The following TRANK1 variants were observed in gnomAD, a reference collection of about 807,000 sequenced individuals.
TRANK1 encodes TPR and ankyrin repeat-containing protein 1.
A neutral mutation model predicts 266.0 loss-of-function variants in TRANK1; 198 were observed. That is an observed-to-expected ratio of 0.74 (90% CI 0.66 to 0.84). The LOEUF is 0.84. TRANK1 is among the 40% of genes least tolerant of loss of function. The pLI is 0.00. For missense variants in TRANK1, 3,326 were observed against 3,634.6 expected (o/e 0.92, Z 2.18); for synonymous variants, 1,396 against 1,384.1 (o/e 1.01, Z -0.19).
At chr3:36,932,401 T>C (rs1285406357) in intron 1 of TRANK1, among the ~76,000 whole-genome samples, 2 of 152,032 alleles carry the variant, frequency 1.3e-5, no homozygotes, top group African/African-American at 4.8e-5. Flanking sequence ...TGAAACCCCG[T>C]CTCTACTAAA....
intron 3 of TRANK1, among the ~76,000 whole-genome samples, chr3:36,899,972 A>T (rs1187063246): frequency 6.6e-6 from 1 of 152,156 alleles, no homozygotes; most frequent in Non-Finnish European, 1.5e-5. Flanking sequence ...CTAACCTCTC[A>T]TCATAGCCTC....
At chr3:36,915,622 C>T (rs1430354533) in intron 1 of TRANK1, among the ~76,000 whole-genome samples, 1 of 152,128 alleles carries the variant, frequency 6.6e-6, no homozygotes, top group African/African-American at 2.4e-5. Context: ...GGCCACTATC[C>T]CCACCTTCCA....
At chr3:36,922,363 T>C (rs1039985782) in intron 1 of TRANK1, among the ~76,000 whole-genome samples, 31 of 152,234 alleles carry the variant, frequency 2.0e-4, no homozygotes, top group Admixed American at 1.8e-3. Flanking sequence ...CCCAGCACTT[T>C]GGGAGGCCGA....
In TRANK1 at chr3:36,915,955, G is replaced by C. The variant is rs183019115; in HGVS notation, c.24-7501C>G. Among the ~76,000 whole-genome samples, 30 of 152,302 alleles carry C rather than the reference G, an allele frequency of 2.0e-4. 1 individual carries two copies. The South Asian group carries it at 5.4e-3, about 27-fold the overall frequency. On this transcript the variant is annotated intron_variant, in intron 1 of 23. Coordinates refer to ENST00000645898, the MANE Select transcript of TRANK1 (RefSeq NM_001329998.2). ...TGCAAAAGTGAAGCTGAAAGAGTAG[G>C]TAATTGCTGCAGTAAGTAGATGATG...
At chr3:36,867,498 G>C (rs2079243407) in intron 9 of TRANK1, among the ~76,000 whole-genome samples, 1 of 152,208 alleles carries the variant, frequency 6.6e-6, no homozygotes, top group Non-Finnish European at 1.5e-5. Flanking sequence ...GATACAGATG[G>C]AAAGTTGCTA....
intron 2 of TRANK1, among the ~76,000 whole-genome samples, chr3:36,908,045 G>A (rs1035608339): frequency 1.3e-5 from 2 of 152,206 alleles, no homozygotes; most frequent in African/African-American, 4.8e-5. Flanking sequence ...GAAGAGGTTT[G>A]TTCGAAGACT....
chr3:36,941,727 G>A (rs1001893626), intron 1 of TRANK1, among the ~76,000 whole-genome samples: 4 of 152,178 alleles, frequency 2.6e-5, no homozygotes, highest in Non-Finnish European at 5.9e-5. Flanking sequence ...TAACCAGCCC[G>A]ACTATCAGTC....
chr3:36,857,331 G>C lies in TRANK1; in HGVS notation c.2391C>G (p.Ala797=). Residue 797 remains alanine, a synonymous_variant, in exon 13 of 24, where the codon GCC becomes GCG. Transcript: ENST00000645898. The surrounding 1 kb of genome is among the most constrained non-coding windows in gnomAD (Gnocchi z 4.3). ...TGTTATCATCAGGCACAAGCTGCAA[G>C]GCCCCAAGGCCCACCTGAGCATGTC... ...GEGHAQVGLG[A]LQLVPDDNRG... 1 of 1,607,422 alleles carries C rather than the reference G, an allele frequency of 6.2e-7. No individual in the cohort carries two copies. Among genetic ancestry groups the C allele is most frequent in the Non-Finnish European group, 8.5e-7 (1 of 1,176,998 alleles).
intron 12 of TRANK1, 72 bp downstream of exon 12, chr3:36,858,646 G>T (rs2079091919): frequency 7.1e-6 from 10 of 1,402,104 alleles, no homozygotes; most frequent in Non-Finnish European, 9.3e-6. Context: ...GGAAAGACCA[G>T]AAAACATAGC....
At chr3:36,837,833 T>A (rs2078790599) in intron 20 of TRANK1, among the ~76,000 whole-genome samples, 1 of 152,252 alleles carries the variant, frequency 6.6e-6, no homozygotes, top group Non-Finnish European at 1.5e-5. Flanking sequence ...AATGTTCTGT[T>A]AACAATGAGC....
chr3:36,895,237 T>C (rs2079771627), intron 5 of TRANK1, among the ~76,000 whole-genome samples: 2 of 152,254 alleles, frequency 1.3e-5, no homozygotes, highest in South Asian at 4.1e-4. Context: ...ACTTAGCCAC[T>C]ACCCAAATGT....
Position 36,854,925 on chromosome 3 carries a change from G to A in TRANK1, c.4549+248C>T, listed in dbSNP as rs575355355. Reference sequence around the variant, plus strand: ...TTCCCCTGAAATGTATTCATGTTATGGCAAACTCCTTGAGATATAATTACT... The same window carrying A: ...TTCCCCTGAAATGTATTCATGTTATAGCAAACTCCTTGAGATATAATTACT... On this transcript the variant is annotated intron_variant, in intron 13 of 23. Transcript: ENST00000645898. Among the ~76,000 whole-genome samples the A allele has an allele frequency of 2.0e-5, 3 of 152,278 alleles. No individual in the cohort carries two copies. In the South Asian group the frequency reaches 6.2e-4, roughly 32 times the overall value.
At chr3:36,924,378 T>C (rs1339978466) in intron 1 of TRANK1, among the ~76,000 whole-genome samples, 1 of 152,206 alleles carries the variant, frequency 6.6e-6, no homozygotes, top group Non-Finnish European at 1.5e-5. Context: ...ATTAGTGCCC[T>C]GAAGTGGCAC....
chr3:36,889,743 G>A, intron 8 of TRANK1, 86 bp downstream of exon 8: 4 of 1,441,658 alleles, frequency 2.8e-6, no homozygotes, highest in Non-Finnish European at 3.6e-6. Context: ...GATAGAATGG[G>A]TAAAACAAGG....
At chr3:36,913,192 C>T (rs927728194) in intron 1 of TRANK1, among the ~76,000 whole-genome samples, 6 of 152,036 alleles carry the variant, frequency 3.9e-5, no homozygotes, top group Non-Finnish European at 8.8e-5. Flanking sequence ...CAGGCGTGCG[C>T]CCTGTAATCC....
At chr3:36,893,100 C>T (rs574927959) in intron 5 of TRANK1, 116 bp from the exon 6 acceptor site, 60 of 391,320 alleles carry the variant, frequency 1.5e-4, no homozygotes, top group African/African-American at 1.2e-3. Context: ...ACTCTCTAGC[C>T]TTGTCTTTTT....
intron 5 of TRANK1, among the ~76,000 whole-genome samples, chr3:36,893,294 G>A (rs200971051): frequency 2.7e-5 from 4 of 146,460 alleles, no homozygotes; most frequent in South Asian, 2.2e-4. Flanking sequence ...AAAAAAAAAA[G>A]AGTAATTCCC....
intron 1 of TRANK1, among the ~76,000 whole-genome samples, chr3:36,937,203 C>T (rs2080437787): frequency 6.6e-6 from 1 of 152,174 alleles, no homozygotes; most frequent in Non-Finnish European, 1.5e-5. Context: ...CTAAGCCATC[C>T]CTCCCTTTGT....
At chr3:36,905,921 G>A (rs952252158) in intron 2 of TRANK1, among the ~76,000 whole-genome samples, 1 of 152,190 alleles carries the variant, frequency 6.6e-6, no homozygotes, top group Non-Finnish European at 1.5e-5. Flanking sequence ...CCAGCAGCAG[G>A]TGATGGGCAA....
Sources: gnomAD v4.1 joint callset for allele counts (sites outside exome capture counted in the v4.1 genomes callset) on GRCh38, gnomAD v4.1.1 for gene constraint, Gnocchi (gnomAD v3.1) non-coding constraint, MANE v1.5 for transcripts, NCBI Gene and HGNC (gene_info 2026-07-23, HGNC 2026-07-21) for gene names.